CACNA2D3: variants seen among roughly 807,000 people sequenced by gnomAD.
CACNA2D3 encodes calcium voltage-gated channel auxiliary subunit alpha2delta 3, also known as voltage-dependent calcium channel subunit alpha-2/delta-3.
In CACNA2D3, 60 loss-of-function variants were observed where a neutral mutation model predicts 160.6. That is an observed-to-expected ratio of 0.37 (90% CI 0.30 to 0.46). CACNA2D3 has a LOEUF of 0.46. Ranked by LOEUF, CACNA2D3 falls within the 20% of genes least tolerant of loss-of-function variation. The pLI, the probability that CACNA2D3 is intolerant of heterozygous loss-of-function variation, is 1.00. For synonymous variants in CACNA2D3, 558 were observed against 492.9 expected (o/e 1.13, Z -1.75); for missense variants, 1,205 against 1,365.0 (o/e 0.88, Z 1.85).
At chr3:54,800,464 A>C (rs1480595229) in intron 13 of CACNA2D3, among the ~76,000 whole-genome samples, 1 of 152,238 alleles carries the variant, frequency 6.6e-6, no homozygotes, top group Non-Finnish European at 1.5e-5. Context: ...ATAAGGCTGA[A>C]GAATGGCAAT....
intron 17 of CACNA2D3, among the ~76,000 whole-genome samples, chr3:54,856,207 C>T (rs1358903480): frequency 2.0e-5 from 3 of 151,974 alleles, no homozygotes; most frequent in Admixed American, 6.6e-5. Context: ...ATCGAGCACA[C>T]AATGAAACAA....
intron 5 of CACNA2D3, among the ~76,000 whole-genome samples, chr3:54,547,489 C>T (rs1228674396): frequency 3.3e-5 from 5 of 152,024 alleles, no homozygotes; most frequent in African/African-American, 9.7e-5. Flanking sequence ...TGAACTTTCT[C>T]AGGCCAATTT....
chr3:54,742,244 C>A (rs1397702201), intron 11 of CACNA2D3, among the ~76,000 whole-genome samples: 1 of 152,064 alleles, frequency 6.6e-6, no homozygotes, highest in African/African-American at 2.4e-5. Context: ...CATGGCGAAA[C>A]CCCATTTCTA....
intron 4 of CACNA2D3, among the ~76,000 whole-genome samples, chr3:54,420,490 T>A (rs551965845): frequency 1.3e-5 from 2 of 152,326 alleles, no homozygotes; most frequent in African/African-American, 2.4e-5. Flanking sequence ...ATGCCCCAAC[T>A]TCATCTGCAG....
intron 10 of CACNA2D3, among the ~76,000 whole-genome samples, chr3:54,628,790 C>G (rs1023372747): frequency 6.6e-6 from 1 of 152,112 alleles, no homozygotes; most frequent in Admixed American, 6.5e-5. Context: ...GGAGGCATCT[C>G]CTCTCTAGGG....
At chr3:55,021,598 ATT>A (rs1491507185) in intron 35 of CACNA2D3, among the ~76,000 whole-genome samples, 4 of 129,424 alleles carry the variant, frequency 3.1e-5, no homozygotes, top group African/African-American at 1.2e-4. Flanking sequence ...GCATCTCTAA[ATT>A]ATATATATAT....
At chr3:54,442,734 A>G (rs1700163552) in intron 4 of CACNA2D3, among the ~76,000 whole-genome samples, 1 of 152,172 alleles carries the variant, frequency 6.6e-6, no homozygotes, top group Non-Finnish European at 1.5e-5. Context: ...TTACTCATCC[A>G]TTAATCCAAT....
At chr3:54,598,307 CAAAAAAAAA>C (rs10656534) in intron 9 of CACNA2D3, among the ~76,000 whole-genome samples, 32 of 49,852 alleles carry the variant, frequency 6.4e-4, no homozygotes, top group African/African-American at 2.4e-3. Flanking sequence ...CTCCGTCTCA[CAAAAAAAAA>C]AAAAAAAAAA....
chr3:54,209,610 A>G (rs1439375968), intron 2 of CACNA2D3, among the ~76,000 whole-genome samples: 4 of 152,216 alleles, frequency 2.6e-5, no homozygotes, highest in African/African-American at 9.6e-5. Flanking sequence ...ACTCTGATGG[A>G]AGAAAGACAG....
chr3:54,459,800 G>T (rs1228284451), intron 4 of CACNA2D3, among the ~76,000 whole-genome samples: 2 of 152,120 alleles, frequency 1.3e-5, no homozygotes, highest in South Asian at 2.1e-4. Flanking sequence ...GTCAATTTTG[G>T]CTTTTGTTGC....
At chr3:55,060,118 A>G (rs966217027) in intron 35 of CACNA2D3, among the ~76,000 whole-genome samples, 1 of 152,090 alleles carries the variant, frequency 6.6e-6, no homozygotes, top group African/African-American at 2.4e-5. Context: ...TCTCCTACGC[A>G]GTATTTACTT....
intron 11 of CACNA2D3, among the ~76,000 whole-genome samples, chr3:54,746,589 A>G (rs576111284): frequency 6.6e-6 from 1 of 152,342 alleles, no homozygotes; most frequent in South Asian, 2.1e-4. Context: ...GTGGGCACCG[A>G]TAGGTCATGA....
chr3:54,527,149 C>T (rs1368067043), intron 5 of CACNA2D3, among the ~76,000 whole-genome samples: 2 of 152,220 alleles, frequency 1.3e-5, no homozygotes, highest in Non-Finnish European at 1.5e-5. Context: ...GCTGTCTCTT[C>T]CTGTAGAGAT....
At chr3:54,899,106 C>T (rs1006304170) in intron 26 of CACNA2D3, among the ~76,000 whole-genome samples, 3 of 152,170 alleles carry the variant, frequency 2.0e-5, no homozygotes, top group Admixed American at 6.5e-5. Flanking sequence ...CACCTTTTAG[C>T]AGGTGGGCAT....
chr3:54,666,393 GT>G (rs1243204230), intron 11 of CACNA2D3, among the ~76,000 whole-genome samples: 1 of 152,200 alleles, frequency 6.6e-6, no homozygotes, highest in Non-Finnish European at 1.5e-5. Flanking sequence ...CTCTGCCTAG[GT>G]TTCTCTTAGC....
At chr3:54,364,734 A>C (rs980013315) in intron 3 of CACNA2D3, among the ~76,000 whole-genome samples, 1 of 152,380 alleles carries the variant, frequency 6.6e-6, no homozygotes, top group Admixed American at 6.5e-5. Context: ...AATATAGACC[A>C]TAACTCACAG....
chr3:54,535,486 G>T (rs1257125776), intron 5 of CACNA2D3, among the ~76,000 whole-genome samples: 2 of 152,078 alleles, frequency 1.3e-5, no homozygotes, highest in Admixed American at 6.6e-5. Flanking sequence ...CAATGTTCAT[G>T]TGTCAGTTTT....
At position 55,023,049 on chromosome 3, in the gene CACNA2D3, T is replaced by C. The variant is rs188933964; in HGVS notation, c.2987+4732T>C. On this transcript the variant is annotated intron_variant, in intron 35 of 37. Transcript: ENST00000474759. ...AGTACTTCAGAAGTTTTTCCAAGAA[T>C]GATCTGAGAGTGATAAATTCTCATT... Among the ~76,000 whole-genome samples, 40 of 152,298 alleles carry C rather than the reference T, an allele frequency of 2.6e-4. No homozygotes were observed. The East Asian group carries it at 7.7e-3, about 29-fold the overall frequency.
At chr3:54,167,054 G>A (rs1282129174) in intron 2 of CACNA2D3, among the ~76,000 whole-genome samples, 2 of 152,188 alleles carry the variant, frequency 1.3e-5, no homozygotes, top group African/African-American at 2.4e-5. Flanking sequence ...CTTGGGGGAA[G>A]CATCTTACTC....
Sources: gnomAD v4.1 joint callset for allele counts (sites outside exome capture counted in the v4.1 genomes callset) on GRCh38, gnomAD v4.1.1 for gene constraint, MANE v1.5 for transcripts, NCBI Gene and HGNC (gene_info 2026-07-23, HGNC 2026-07-21) for gene names.